Variants in SCRIB observed in about 807,000 individuals in gnomAD.
The protein encoded by SCRIB is scribble planar cell polarity protein.
SCRIB carries 72 observed loss-of-function variants against 170.0 expected under a neutral mutation model. The observed-to-expected ratio is 0.42, with a 90% CI of 0.35 to 0.52. The LOEUF is 0.52. Ranked by LOEUF, SCRIB falls within the 20% of genes least tolerant of loss-of-function variation. SCRIB has a pLI of 0.02. For synonymous variants in SCRIB, 1,298 were observed against 1,044.3 expected, an observed-to-expected ratio of 1.24 and a Z score of -4.68; for missense variants, 2,475 against 2,338.5, an observed-to-expected ratio of 1.06 and a Z score of -1.20.
At chr8:143,809,523 C>T in intron 14 of SCRIB, 28 bp downstream of exon 14, 1 of 1,596,276 alleles carries the variant, frequency 6.3e-7, no homozygotes. Flanking sequence ...CAGGCCCAGC[C>T]TCCTGCCTCC....
rs782451594 is a variant in SCRIB at position 143,792,382 on chromosome 8, G to A, written c.4352C>T (p.Pro1451Leu). 1.3e-6 allele frequency: 2 copies of A among 1,519,096 alleles called. No homozygotes were observed. The highest frequency in any genetic ancestry group is 4.1e-5 in the Admixed American group (2 of 48,868). The allele number at this position is 1,519,096 out of a possible 1,614,324, so 94.1% of individuals were successfully genotyped here. Residue 1451 changes from proline to leucine, a missense_variant, in exon 32 of 37, where the codon CCC becomes CTC. Physicochemically the swap from Pro to Leu is moderately conservative, Grantham distance 98. Transcript: ENST00000356994. The stretch of plus-strand genomic sequence containing the variant: ...CCGCACCGGGGCGCCACCTCCCAGG[G>A]GTGGGGGGGACGCCGGGCTCTGCCT... ...TSRQSPASPPPLGGGAPVRTA... is the reference protein window; with the variant it reads ...TSRQSPASPPLLGGGAPVRTA...
chr8:143,793,018 C>T lies in SCRIB; in HGVS notation c.3975G>A (p.Ala1325=), dbSNP rs782035688. ...CAGGCGGGTGAGAAGTGGGCACGGCCGCGAAGGCCCTGTAGGCCTGCTTCA... is the reference window on the plus strand; with the variant it reads ...CAGGCGGGTGAGAAGTGGGCACGGCTGCGAAGGCCCTGTAGGCCTGCTTCA... The part of the protein sequence containing the change: ...ANVKQAYRAF[A]AVPTSHPPED... Residue 1325 remains alanine, a synonymous_variant, in exon 29 of 37, where the codon GCG becomes GCA. Transcript: ENST00000356994. 37 of 1,512,060 alleles carry T rather than the reference C, an allele frequency of 2.4e-5. No homozygotes were observed. Among genetic ancestry groups the T allele is most frequent in the African/African-American group, 1.8e-4 (13 of 71,672 alleles). 93.7% of individuals were successfully genotyped at this position (1,512,060 alleles called of 1,614,324 possible).
chr8:143,803,874 C>T lies in SCRIB; in HGVS notation c.3187G>A (p.Gly1063Arg), dbSNP rs782505698. 9.4e-6 allele frequency: 15 copies of T among 1,598,562 alleles called. No individual in the cohort carries two copies. Among genetic ancestry groups the T allele is most frequent in the African/African-American group, 6.7e-5 (5 of 74,804 alleles). ...TGCGTGGCATCCCGCACGTCTTGCCCGTTCACTGCCAGGATGCGGTCCCCA... is the reference window on the plus strand; with the variant it reads ...TGCGTGGCATCCCGCACGTCTTGCCTGTTCACTGCCAGGATGCGGTCCCCA... ...RVGDRILAVN[G>R]QDVRDATHQE... Residue 1063 changes from glycine (G) to arginine (R), a missense_variant, in exon 23 of 37, where the codon GGG becomes AGG. Transcript: ENST00000356994.
intron 24 of SCRIB, among the ~76,000 whole-genome samples, chr8:143,798,554 CCTCCTGAAT>C (rs1554634476): frequency 6.6e-6 from 1 of 152,200 alleles, no homozygotes; most frequent in African/African-American, 2.4e-5. Flanking sequence ...CCTGTTTCAG[CCTCCTGAAT>C]ACCTGCGACT....
At position 143,810,797 on chromosome 8, in the gene SCRIB, C is replaced by T; in HGVS notation, c.1293G>A (p.Gly431=). 4.4e-6 allele frequency: 7 copies of T among 1,602,242 alleles called. No homozygotes were observed. Among genetic ancestry groups the T allele is most frequent in the Middle Eastern group, 1.7e-4 (1 of 6,050 alleles). ...PPSLEDAGQQ[G]SLSETWSDAP... ...CATCGCTCCAGGTCTCCGAGAGGCT[C>T]CCCTGCTGCCCAGCATCCTCTGCAG... Residue 431 remains glycine, a synonymous_variant, in exon 12 of 37, where the codon GGG becomes GGA. Coordinates refer to ENST00000356994, the MANE Select transcript of SCRIB (RefSeq NM_182706.5).
rs879973506 is a variant in SCRIB at position 143,806,612 on chromosome 8, A to T, written c.2269-128T>A. 1.3e-5 allele frequency: 10 copies of T among 746,900 alleles called. No homozygotes were observed. In the South Asian group the frequency reaches 1.5e-4, roughly 11 times the overall value. The allele number at this position is 746,900 out of a possible 1,614,324, so 46.3% of individuals were successfully genotyped here. A position where few individuals can be genotyped will look rare whatever the true frequency, so the allele number is the denominator to read the frequency against. Reference sequence around the variant, plus strand: ...CTAGCCCTGGCCAGCAGGAGGACTGAGCTCTAGCCACTGTGGGATCCTGAG... The same window carrying T: ...CTAGCCCTGGCCAGCAGGAGGACTGTGCTCTAGCCACTGTGGGATCCTGAG... On this transcript the variant is annotated intron_variant, in intron 17 of 36. Transcript: ENST00000356994.
Position 143,809,539 on chromosome 8 carries a change from G to A in SCRIB, c.1698+12C>T. On this transcript the variant is annotated intron_variant, in intron 14 of 36. Transcript: ENST00000356994. Reference sequence around the variant, plus strand: ...AGGCCCAGCCTCCTGCCTCCTTCCTGCCAATCCACACCTCCTGGTAGTCCT... The same window carrying A: ...AGGCCCAGCCTCCTGCCTCCTTCCTACCAATCCACACCTCCTGGTAGTCCT... 1 of 1,602,234 alleles carries A rather than the reference G, an allele frequency of 6.2e-7. No homozygotes were observed. The highest frequency in any genetic ancestry group is 8.5e-7 in the Non-Finnish European group (1 of 1,173,544).
chr8:143,802,161 C>G (rs1189258149), intron 24 of SCRIB, among the ~76,000 whole-genome samples: 1 of 152,252 alleles, frequency 6.6e-6, no homozygotes, highest in Non-Finnish European at 1.5e-5. Flanking sequence ...AATCCTTCCC[C>G]AGAAACCACC....
chr8:143,809,528 G>T (rs754433083), intron 14 of SCRIB, 23 bp downstream of exon 14: 2 of 1,597,946 alleles, frequency 1.3e-6, no homozygotes, highest in Non-Finnish European at 1.7e-6. Context: ...CCAGCCTCCT[G>T]CCTCCTTCCT....
chr8:143,795,109 G>A lies in SCRIB; in HGVS notation c.3775C>T (p.Arg1259Trp), dbSNP rs781956229. The change falls in exon 27 of 37, where the codon CGG becomes TGG. Residue 1259 changes from arginine (R) to tryptophan (W), a missense_variant. Arg to Trp is a moderately radical substitution (Grantham distance 101, BLOSUM62 -3). Around this residue, in one of 3 missense-constraint regions of SCRIB, gnomAD observed 1,966 missense variants for 1,742.9 expected, o/e 1.13. Transcript: ENST00000356994. ...TCCAGCTTCAGGGGCTGCAGACCCC[G>A]ACCCTGGGGGCAGAGTGAACACAGC... The part of the protein sequence containing the change: ...WGPEATEAAG[R>W]GLQPLKLDYR... 23 of 1,610,984 alleles carry A rather than the reference G, an allele frequency of 1.4e-5. No homozygotes were observed. In the Admixed American group the frequency reaches 2.0e-4, roughly 14 times the overall value.
intron 16 of SCRIB, 52 bp from the exon 17 acceptor site, chr8:143,807,065 T>G: frequency 1.5e-6 from 2 of 1,348,338 alleles, no homozygotes; most frequent in Non-Finnish European, 2.1e-6. Flanking sequence ...GGGCTGCCTG[T>G]GCTCTCTGCA....
chr8:143,807,127 G>C (rs1367821688), intron 16 of SCRIB, 114 bp from the exon 17 acceptor site: 27 of 762,474 alleles, frequency 3.5e-5, no homozygotes, highest in Non-Finnish European at 5.9e-5. Context: ...CTAGGCAGCT[G>C]AATGGGGCCT....
At chr8:143,806,330 C>T (rs1815422969) in intron 18 of SCRIB, 77 bp downstream of exon 18, 1 of 1,200,570 alleles carries the variant, frequency 8.3e-7, no homozygotes, top group Non-Finnish European at 1.2e-6. Context: ...AGAAGGCAGC[C>T]AAGCACCCTA....
At chr8:143,806,654 G>A (rs1815439153) in intron 17 of SCRIB, among the ~76,000 whole-genome samples, 170 bp from the exon 18 acceptor site, 1 of 152,252 alleles carries the variant, frequency 6.6e-6, no homozygotes, top group African/African-American at 2.4e-5. Context: ...GGGGTTAGAA[G>A]GAGCACGTCA....
rs532405757 is a variant in SCRIB, at chr8:143,803,450, C to A, written c.3536G>T (p.Ser1179Ile). 6.3e-7 allele frequency: 1 copy of A among 1,597,764 alleles called. No individual in the cohort carries two copies. The highest frequency in any genetic ancestry group is 8.5e-7 in the Non-Finnish European group (1 of 1,178,266). The change falls in exon 24 of 37, where the codon AGT becomes ATT. Residue 1179 changes from serine (S) to isoleucine (I), a missense_variant. Physicochemically the swap from Ser to Ile is moderately radical, Grantham distance 142. Around this residue, in one of 3 missense-constraint regions of SCRIB, gnomAD observed 1,966 missense variants for 1,742.9 expected, o/e 1.13. Transcript: ENST00000356994. The stretch of plus-strand genomic sequence containing the variant: ...CAGCACGGTGAGGGTGTCGCCCACA[C>A]TGCGGAGCAGCTGCACCGCCTCGCC... ...THGEAVQLLRSVGDTLTVLVC... is the reference protein window; with the variant it reads ...THGEAVQLLRIVGDTLTVLVC...
intron 23 of SCRIB, 38 bp from the exon 24 acceptor site, chr8:143,803,609 G>T: frequency 6.4e-7 from 1 of 1,566,208 alleles, no homozygotes; most frequent in East Asian, 2.3e-5. Context: ...CCTGTTGGGG[G>T]GTGGGGCCCA....
rs751581286 is a variant in SCRIB, at chr8:143,811,268, C to A, written c.984G>T (p.Pro328=). ...GTGCCACACAGCCCCCGATCTCGGG[C>A]GGCAGCGCCTCGAGGTGGTTCCGGT... ...NVDRNHLEAL[P]PEIGGCVALS... is the part of the protein sequence containing the mutation. The change falls in exon 10 of 37, where the codon CCG becomes CCT. Residue 328 remains proline (P), a synonymous_variant. Transcript: ENST00000356994. 2 of 1,612,142 alleles carry A rather than the reference C, an allele frequency of 1.2e-6. No homozygotes were observed. Among genetic ancestry groups the A allele is most frequent in the Non-Finnish European group, 1.7e-6 (2 of 1,179,650 alleles).
Position 143,804,955 on chromosome 8 carries a change from C to G in SCRIB, c.2730G>C (p.Gln910His), listed in dbSNP as rs943209168. The change falls in exon 20 of 37, where the codon CAG becomes CAC. Residue 910 changes from glutamine to histidine, a missense_variant. Physicochemically the swap from Gln to His is conservative, Grantham distance 24. Transcript: ENST00000356994. Reference protein sequence around the residue: ...GGAAHRAGTLQVGDRVLSING... With the variant: ...GGAAHRAGTLHVGDRVLSING... ...TCACAGAGAGGACGCGGTCGCCAAC[C>G]TGCAGTGTGCCCGCGCGGTGAGCAG... The G allele has an allele frequency of 4.9e-5, 77 of 1,573,430 alleles. No homozygotes were observed. Among genetic ancestry groups the G allele is most frequent in the Non-Finnish European group, 6.1e-5 (71 of 1,165,846 alleles).
Position 143,795,346 on chromosome 8 carries a change from C to A in SCRIB, c.3715-13G>T. The A allele has an allele frequency of 6.2e-7, 1 of 1,612,768 alleles. No individual in the cohort carries two copies. The highest frequency in any genetic ancestry group is 8.5e-7 in the Non-Finnish European group (1 of 1,179,680). ...GCAGCTCCTTCTCCTGTGAGCAGAGCAGAGCAGACCCGTCAGGCACCACCG... is the reference window on the plus strand; with the variant it reads ...GCAGCTCCTTCTCCTGTGAGCAGAGAAGAGCAGACCCGTCAGGCACCACCG... On this transcript the variant is annotated splice_polypyrimidine_tract_variant and intron_variant, in intron 25 of 36. Coordinates refer to ENST00000356994, the MANE Select transcript of SCRIB (RefSeq NM_182706.5).
Sources: allele counts gnomAD v4.1 joint callset (sites outside exome capture counted in the v4.1 genomes callset), GRCh38; gene constraint gnomAD v4.1.1; regional missense constraint gnomAD v4.1.1; transcripts MANE v1.5; gene names NCBI Gene and HGNC (gene_info 2026-07-23, HGNC 2026-07-21).